The following STK3 variants were observed in gnomAD, a reference collection of about 807,000 sequenced individuals.
STK3 encodes serine/threonine-protein kinase 3.
STK3 carries 41 observed loss-of-function variants against 58.0 expected under a neutral mutation model. The ratio of observed to expected loss-of-function variants is 0.71; its 90% CI spans 0.55 to 0.92. The LOEUF (loss-of-function observed/expected upper bound fraction) is 0.92. STK3 is among the 40% of genes least tolerant of loss of function. The probability of loss-of-function intolerance (pLI) is 0.00; values close to 1 mark genes in which losing one functional copy is unlikely to be tolerated. For synonymous variants in STK3, 170 were observed against 191.0 expected (o/e 0.89, Z 0.91); for missense variants, 479 against 602.7 (o/e 0.79, Z 2.15).
chr8:98,556,556 A>G (rs1811602797), intron 8 of STK3, among the ~76,000 whole-genome samples: 1 of 152,110 alleles, frequency 6.6e-6, no homozygotes, highest in Non-Finnish European at 1.5e-5. Context: ...CAAAAGTAGA[A>G]ATATTCCAGC....
At chr8:98,510,460 T>G (rs1824423523) in intron 10 of STK3, among the ~76,000 whole-genome samples, 1 of 60,626 alleles carries the variant, frequency 1.6e-5, no homozygotes. Context: ...CATCAGAGGG[T>G]TTTTTTTTAA....
At chr8:98,807,367 G>A (rs1392345133) in intron 1 of STK3, among the ~76,000 whole-genome samples, 2 of 151,852 alleles carry the variant, frequency 1.3e-5, no homozygotes, top group Non-Finnish European at 2.9e-5. Context: ...AACAATTCTT[G>A]TGCCCCAGCC....
chr8:98,893,631 TAA>T (rs573940707), intron 1 of STK3, among the ~76,000 whole-genome samples: 1 of 145,170 alleles, frequency 6.9e-6, no homozygotes, highest in South Asian at 2.2e-4. Context: ...AAAAAGAACT[TAA>T]AAAAAAAAGC....
At chr8:98,366,424 T>C (rs1817564930), downstream of STK3, among the ~76,000 whole-genome samples, 1 of 152,252 alleles carries the variant, frequency 6.6e-6, no homozygotes, top group South Asian at 2.1e-4. Context: ...AATTTTAACA[T>C]TTTCCTTTAT....
At chr8:98,417,630 C>T (rs2131050248) in intron 3 of STK3, among the ~76,000 whole-genome samples, 1 of 152,332 alleles carries the variant, frequency 6.6e-6, no homozygotes, top group Non-Finnish European at 1.5e-5. Context: ...GGTACTCAAC[C>T]TTTCTGTGCC....
intron 2 of STK3, among the ~76,000 whole-genome samples, chr8:98,769,950 C>T (rs1008257851): frequency 3.3e-5 from 5 of 152,182 alleles, no homozygotes; most frequent in African/African-American, 9.7e-5. Context: ...TATAGTCTTA[C>T]TGGAAGTTGA....
intron 6 of STK3, among the ~76,000 whole-genome samples, chr8:98,611,679 T>G (rs1428639079): frequency 6.6e-6 from 1 of 152,204 alleles, no homozygotes; most frequent in African/African-American, 2.4e-5. Context: ...TCTATGCCAG[T>G]GGTTCTTAAC....
downstream of STK3, chr8:98,882,867 C>T (rs1202046100): frequency 6.6e-6 from 1 of 152,172 alleles, no homozygotes; most frequent in Non-Finnish European, 1.5e-5. Flanking sequence ...TATCTCAATA[C>T]CAAAATGGCC....
intron 10 of STK3, among the ~76,000 whole-genome samples, chr8:98,486,651 G>A (rs73699907): frequency 0.025 from 3,880 of 152,286 alleles, 152 homozygotes; most frequent in African/African-American, 0.087. Flanking sequence ...AGGAAAAAAG[G>A]GGAGGTGAGG....
chr8:98,940,409 A>ACCACGG (rs924755595), intron 1 of STK3, among the ~76,000 whole-genome samples: 98 of 152,260 alleles, frequency 6.4e-4, no homozygotes, highest in Non-Finnish European at 1.2e-3. Flanking sequence ...AGGCTAGACC[A>ACCACGG]CCACGGCCAC....
At chr8:98,554,269 T>C (rs1811430451) in intron 8 of STK3, among the ~76,000 whole-genome samples, 1 of 152,158 alleles carries the variant, frequency 6.6e-6, no homozygotes, top group Non-Finnish European at 1.5e-5. Context: ...AATCTGCTGG[T>C]TGAATATCTT....
intron 4 of STK3, among the ~76,000 whole-genome samples, chr8:98,743,018 T>C (rs1180799396): frequency 3.3e-5 from 5 of 151,852 alleles, no homozygotes; most frequent in African/African-American, 1.2e-4. Flanking sequence ...GAATCCAACT[T>C]ACAAGGGACG....
chr8:98,414,581 A>G (rs1818093217), intron 3 of STK3, among the ~76,000 whole-genome samples: 1 of 152,184 alleles, frequency 6.6e-6, no homozygotes, highest in African/African-American at 2.4e-5. Flanking sequence ...GCTAAAGCAT[A>G]CTCAAATCCA....
chr8:98,423,913 G>A (rs1245291652), intron 3 of STK3, among the ~76,000 whole-genome samples: 2 of 152,198 alleles, frequency 1.3e-5, no homozygotes, highest in African/African-American at 2.4e-5. Flanking sequence ...CCCCTTCCCA[G>A]GGTGCCTCTC....
At chr8:98,344,441 G>A in the STK3 span, among the ~76,000 whole-genome samples, 1 of 152,220 alleles carries the variant, frequency 6.6e-6, no homozygotes, top group East Asian at 1.9e-4. Flanking sequence ...GGAAGGAGAA[G>A]GAGGGGACAA....
Position 98,577,923 on chromosome 8 carries a change from T to C in STK3, c.948+1741A>G, listed in dbSNP as rs556470763. On this transcript the variant is annotated intron_variant, in intron 8 of 10. Coordinates refer to ENST00000419617, the MANE Select transcript of STK3 (RefSeq NM_006281.4). ...CCGGGTATAGCACATGCAAAGGCCC[T>C]GAGTAAGGAAAGATCTTAAGCATGT... Among the ~76,000 whole-genome samples the C allele has an allele frequency of 2.6e-5, 4 of 151,796 alleles. No homozygotes were observed. The South Asian group carries it at 8.3e-4, about 32-fold the overall frequency.
At chr8:98,644,070 G>A (rs1429363699) in intron 6 of STK3, among the ~76,000 whole-genome samples, 1 of 152,070 alleles carries the variant, frequency 6.6e-6, no homozygotes, top group African/African-American at 2.4e-5. Flanking sequence ...TCATTATTTG[G>A]AACCTAAAGA....
chr8:98,726,245 G>A (rs895023192), intron 4 of STK3, among the ~76,000 whole-genome samples: 2 of 152,124 alleles, frequency 1.3e-5, no homozygotes, highest in Non-Finnish European at 2.9e-5. Flanking sequence ...TACCAATAAG[G>A]GAAGCCAAGG....
In STK3 at chr8:98,820,398, A is replaced by T. The variant is rs181321558; in HGVS notation, c.26+5117T>A. On this transcript the variant is annotated intron_variant, in intron 1 of 10. Coordinates refer to ENST00000419617, the MANE Select transcript of STK3 (RefSeq NM_006281.4). ...CTAACCTGCCCTCCAACCATACCTTAATCAACGAATTACACATTTTAAATA... is the reference window on the plus strand; with the variant it reads ...CTAACCTGCCCTCCAACCATACCTTTATCAACGAATTACACATTTTAAATA... 2.0e-5 allele frequency among the ~76,000 whole-genome samples: 3 copies of T among 152,284 alleles called. No individual in the cohort carries two copies. In the East Asian group the frequency reaches 5.8e-4, roughly 29 times the overall value.
Sources: allele counts gnomAD v4.1 joint callset (sites outside exome capture counted in the v4.1 genomes callset), GRCh38; gene constraint gnomAD v4.1.1; transcripts MANE v1.5; gene names NCBI Gene and HGNC (gene_info 2026-07-23, HGNC 2026-07-21).